OCA2: variants seen among roughly 807,000 people sequenced by gnomAD.
OCA2 encodes the protein OCA2 melanosomal transmembrane protein.
OCA2 carries 77 observed loss-of-function variants against 100.2 expected under a neutral mutation model. The observed-to-expected ratio is 0.77, with a 90% confidence interval of 0.64 to 0.93. The LOEUF is 0.93. Ranked by LOEUF, OCA2 falls within the 40% of genes least tolerant of loss-of-function variation. The probability of loss-of-function intolerance (pLI) is 0.00; values close to 1 mark genes in which losing one functional copy is unlikely to be tolerated. For missense variants in OCA2, 1,062 were observed against 1,089.1 expected (o/e 0.98, Z 0.35); for synonymous variants, 432 against 439.2 (o/e 0.98, Z 0.21).
intron 9 of OCA2, among the ~76,000 whole-genome samples, chr15:28,008,321 C>T (rs976596570): frequency 6.6e-6 from 1 of 152,224 alleles, no homozygotes; most frequent in African/African-American, 2.4e-5. Context: ...ACTTTATGTT[C>T]TTAGCTCCCA....
chr15:28,009,684 T>TCACA (rs747425942), intron 9 of OCA2, among the ~76,000 whole-genome samples: 40,933 of 137,678 alleles, frequency 0.3, 7,173 homozygotes, highest in Non-Finnish European at 0.4. Flanking sequence ...CGAGATTCTG[T>TCACA]CACACACACA....
At chr15:28,044,737 G>T (rs1310754293) in intron 2 of OCA2, among the ~76,000 whole-genome samples, 2 of 152,120 alleles carry the variant, frequency 1.3e-5, no homozygotes, top group African/African-American at 4.8e-5. Flanking sequence ...GGGATCAATT[G>T]ACCCCTGTAT....
At chr15:27,854,987 C>T (rs929083609) in intron 21 of OCA2, among the ~76,000 whole-genome samples, 10 of 152,174 alleles carry the variant, frequency 6.6e-5, no homozygotes, top group Non-Finnish European at 1.3e-4. Flanking sequence ...GGTCCATCAC[C>T]CAAAGCCAGA....
At chr15:27,913,863 GAA>G (rs2038514975) in intron 19 of OCA2, among the ~76,000 whole-genome samples, 7 of 44,348 alleles carry the variant, frequency 1.6e-4, no homozygotes, top group African/African-American at 6.5e-4. Flanking sequence ...AAGAAAGAAA[GAA>G]AGAAAGAAAG....
intron 23 of OCA2, among the ~76,000 whole-genome samples, chr15:27,820,489 A>T (rs2034464107): frequency 6.6e-6 from 1 of 152,250 alleles, no homozygotes; most frequent in African/African-American, 2.4e-5. Context: ...ATCTCACTTT[A>T]GTGCCATCCT....
In OCA2 at chr15:27,983,351, C is replaced by G; in HGVS notation, c.1497G>C (p.Arg499Ser). 1 of 1,614,178 alleles carries G rather than the reference C, an allele frequency of 6.2e-7. No individual in the cohort carries two copies. The highest frequency in any genetic ancestry group is 8.5e-7 in the Non-Finnish European group (1 of 1,180,040). The part of the protein sequence containing the change: ...NVIIVSNQEL[R>S]KMGLDFAGFT... ...CTAGCATGCTGGTACGTACCATCTT[C>G]CTCAGCTCTTGGTTGGAAACAATAA... Residue 499 changes from arginine (R) to serine (S), a missense_variant, in exon 14 of 24, where the codon AGG becomes AGC. Arg to Ser is a moderately radical substitution (Grantham distance 110). Transcript: ENST00000354638.
intron 2 of OCA2, among the ~76,000 whole-genome samples, chr15:28,047,716 T>A (rs891406537): frequency 2.6e-5 from 4 of 152,196 alleles, no homozygotes; most frequent in Non-Finnish European, 4.4e-5. Context: ...AAATCAAGGA[T>A]GCCTACTTTC....
chr15:27,915,336 C>A (rs1001555138), intron 19 of OCA2, among the ~76,000 whole-genome samples: 4 of 152,092 alleles, frequency 2.6e-5, no homozygotes, highest in Non-Finnish European at 5.9e-5. Flanking sequence ...AAAGCAATTA[C>A]AACTAAAACA....
intron 2 of OCA2, among the ~76,000 whole-genome samples, chr15:28,061,645 G>C (rs1371796732): frequency 1.3e-5 from 2 of 152,118 alleles, no homozygotes; most frequent in African/African-American, 4.8e-5. Flanking sequence ...CAGAGAGAAG[G>C]CACCATTTAC....
intron 21 of OCA2, among the ~76,000 whole-genome samples, chr15:27,866,764 G>A (rs1278511730): frequency 6.6e-6 from 1 of 152,214 alleles, no homozygotes; most frequent in Non-Finnish European, 1.5e-5. Flanking sequence ...GATGGAGAAA[G>A]GCTTTGAAGC....
In OCA2 at chr15:28,056,124, C is replaced by G. The variant is rs182520821; in HGVS notation, c.228-23961G>C. On this transcript the variant is annotated intron_variant, in intron 2 of 23. Coordinates refer to ENST00000354638, the MANE Select transcript of OCA2 (RefSeq NM_000275.3). The stretch of plus-strand genomic sequence containing the variant: ...CACCTTGCTGTACAAGTGCCTGCAA[C>G]GCTGACTGGGGGCTGGCCAGTTCAG... Among the ~76,000 whole-genome samples the G allele has an allele frequency of 4.9e-4, 75 of 152,218 alleles. No individual in the cohort carries two copies. In the East Asian group the frequency reaches 9.9e-3, roughly 20 times the overall value.
chr15:27,782,749 C>T (rs1431570273), intron 23 of OCA2, among the ~76,000 whole-genome samples: 1 of 152,192 alleles, frequency 6.6e-6, no homozygotes, highest in African/African-American at 2.4e-5. Context: ...TTGGAGGAGC[C>T]AATGCGTGTC....
intron 9 of OCA2, among the ~76,000 whole-genome samples, chr15:27,992,352 C>T (rs1385532961): frequency 6.6e-6 from 1 of 152,150 alleles, no homozygotes; most frequent in African/African-American, 2.4e-5. Context: ...CCACCCACCT[C>T]GCCTCCCAAA....
chr15:27,967,451 A>AC (rs2040609612), intron 14 of OCA2, among the ~76,000 whole-genome samples: 1 of 152,218 alleles, frequency 6.6e-6, no homozygotes, highest in Admixed American at 6.5e-5. Flanking sequence ...GTCCATCTTC[A>AC]CCACTAGATT....
chr15:27,738,740 C>T, the OCA2 span, among the ~76,000 whole-genome samples: 3 of 142,106 alleles, frequency 2.1e-5, no homozygotes, highest in African/African-American at 8.2e-5. Context: ...AAAGGCTCTA[C>T]GCCAAACGCA....
intron 14 of OCA2, among the ~76,000 whole-genome samples, chr15:27,981,200 T>A (rs1338408918): frequency 6.6e-6 from 1 of 152,238 alleles, no homozygotes; most frequent in Non-Finnish European, 1.5e-5. Context: ...GGGGCTTTTT[T>A]AATATCTTTA....
chr15:27,784,893 C>CAGAGAG (rs55682306), intron 23 of OCA2, among the ~76,000 whole-genome samples: 1 of 148,518 alleles, frequency 6.7e-6, no homozygotes, highest in Non-Finnish European at 1.5e-5. Context: ...AAGAGAGAGA[C>CAGAGAG]AGAGAGAGAG....
intron 5 of OCA2, among the ~76,000 whole-genome samples, chr15:28,023,106 A>AG (rs1313934679): frequency 6.8e-6 from 1 of 147,340 alleles, no homozygotes; most frequent in African/African-American, 2.4e-5. Flanking sequence ...CTTGGGGACC[A>AG]GGGGAGACCT....
intron 12 of OCA2, among the ~76,000 whole-genome samples, chr15:27,985,878 A>C (rs2041338037): frequency 6.6e-6 from 1 of 152,082 alleles, no homozygotes; most frequent in Non-Finnish European, 1.5e-5. Flanking sequence ...TTTTTAGTAG[A>C]GATGAGGTTT....
Sources: allele counts gnomAD v4.1 joint callset (sites outside exome capture counted in the v4.1 genomes callset), GRCh38; gene constraint gnomAD v4.1.1; transcripts MANE v1.5; gene names NCBI Gene and HGNC (gene_info 2026-07-23, HGNC 2026-07-21).